Variants in LRRK1 observed in about 807,000 individuals in gnomAD.
LRRK1 encodes leucine rich repeat kinase 1, also known as leucine-rich repeat serine/threonine-protein kinase 1.
In LRRK1, 113 loss-of-function variants were observed where a neutral mutation model predicts 209.1. That is an observed-to-expected ratio of 0.54 (90% CI 0.46 to 0.63). LRRK1 has a LOEUF of 0.63. Ranked by LOEUF, LRRK1 falls within the 30% of genes least tolerant of loss-of-function variation. The probability of loss-of-function intolerance (pLI) is 0.00; values close to 1 mark genes in which losing one functional copy is unlikely to be tolerated. For synonymous variants in LRRK1, 1,144 were observed against 1,099.7 expected, an observed-to-expected ratio of 1.04 and a Z score of -0.80; for missense variants, 2,284 against 2,632.2, an observed-to-expected ratio of 0.87 and a Z score of 2.89.
chr15:100,953,435 A>G (rs1250027310), intron 2 of LRRK1, among the ~76,000 whole-genome samples: 1 of 152,020 alleles, frequency 6.6e-6, no homozygotes, highest in African/African-American at 2.4e-5. Context: ...AGGTTCACCC[A>G]TGTTGCAAAT....
rs1163154482 is a variant in LRRK1, at chr15:101,010,844, A to G, written c.1281+7A>G. The G allele has an allele frequency of 4.4e-6, 7 of 1,607,756 alleles. No individual in the cohort carries two copies. The Admixed American group carries it at 5.1e-5, about 12-fold the overall frequency. On this transcript the variant is annotated splice_region_variant and intron_variant, in intron 9 of 33. Coordinates refer to ENST00000388948, the MANE Select transcript of LRRK1 (RefSeq NM_024652.6). Reference sequence around the variant, plus strand: ...TCCCTGGGCCTGCCCTTTGGTGAGTATCACACCAAAAGTCATGAAAGCCAC... The same window carrying G: ...TCCCTGGGCCTGCCCTTTGGTGAGTGTCACACCAAAAGTCATGAAAGCCAC...
At chr15:100,945,777 G>A (rs1454027568) in intron 2 of LRRK1, among the ~76,000 whole-genome samples, 1 of 152,146 alleles carries the variant, frequency 6.6e-6, no homozygotes, top group Non-Finnish European at 1.5e-5. Context: ...ACAGGCATGA[G>A]CCACAGTGCC....
chr15:101,039,594 G>A (rs2034647985), intron 20 of LRRK1, among the ~76,000 whole-genome samples: 1 of 151,994 alleles, frequency 6.6e-6, no homozygotes. Context: ...TTGCCTGATT[G>A]CATTGGCTCG....
chr15:100,983,052 G>T (rs1292165806), intron 3 of LRRK1, among the ~76,000 whole-genome samples: 1 of 152,180 alleles, frequency 6.6e-6, no homozygotes, highest in Non-Finnish European at 1.5e-5. Flanking sequence ...GCATGTGCCT[G>T]CAGTCCCAGC....
intron 28 of LRRK1, 136 bp from the exon 29 acceptor site, chr15:101,057,854 C>A: frequency 1.0e-6 from 1 of 974,854 alleles, no homozygotes; most frequent in Non-Finnish European, 1.5e-6. Context: ...CTGTTTCAGC[C>A]TCTTGTTTGG....
intron 26 of LRRK1, 125 bp downstream of exon 26, chr15:101,053,545 C>A: frequency 1.2e-6 from 1 of 802,698 alleles, no homozygotes; most frequent in Non-Finnish European, 1.9e-6. Context: ...ACCCATGGCT[C>A]GTGTGACCAT....
intron 29 of LRRK1, among the ~76,000 whole-genome samples, chr15:101,060,850 G>C (rs2036129148): frequency 6.6e-6 from 1 of 152,254 alleles, no homozygotes; most frequent in Admixed American, 6.5e-5. Flanking sequence ...CTACTCTACA[G>C]TGAGGAGCTC....
intron 20 of LRRK1, among the ~76,000 whole-genome samples, chr15:101,035,927 C>A (rs1333569382): frequency 3.3e-5 from 5 of 152,172 alleles, no homozygotes; most frequent in South Asian, 2.1e-4. Context: ...TAGGGCCAGT[C>A]TATTAGTGAC....
At chr15:100,952,005 GAGTA>G (rs1448589464) in intron 2 of LRRK1, among the ~76,000 whole-genome samples, 1 of 150,920 alleles carries the variant, frequency 6.6e-6, no homozygotes, top group South Asian at 2.1e-4. Context: ...GTATTATTAA[GAGTA>G]AGTACTAATA....
chr15:100,949,447 A>G (rs938574020), intron 2 of LRRK1, among the ~76,000 whole-genome samples: 6 of 152,174 alleles, frequency 3.9e-5, no homozygotes, highest in Admixed American at 3.3e-4. Context: ...ATTCTACCAA[A>G]CATTTAAAGA....
At chr15:100,935,182 C>G (rs4291889) in intron 2 of LRRK1, among the ~76,000 whole-genome samples, 4 of 152,198 alleles carry the variant, frequency 2.6e-5, no homozygotes, top group Non-Finnish European at 5.9e-5. Flanking sequence ...AACCTGCACT[C>G]TACTGTCAGG....
intron 16 of LRRK1, among the ~76,000 whole-genome samples, chr15:101,025,383 C>T (rs1273177338): frequency 2.0e-5 from 3 of 152,192 alleles, no homozygotes; most frequent in East Asian, 3.8e-4. Context: ...CTCAGGTTCA[C>T]GGAGAATGAG....
At position 101,024,115 on chromosome 15, in the gene LRRK1, G is replaced by A. The variant is rs184398693; in HGVS notation, c.2068-688G>A. Among the ~76,000 whole-genome samples the A allele has an allele frequency of 3.4e-3, 522 of 152,152 alleles. 2 individuals are homozygous for A. The highest frequency in any genetic ancestry group is 0.012 in the African/African-American group (491 of 41,500). On this transcript the variant is annotated intron_variant, in intron 15 of 33. Transcript: ENST00000388948. This position sits in a 1 kb window ranked among gnomAD's most constrained non-coding sequence, Gnocchi z 4.6. ...CAATCCTGTGAAGGCTGAGCCCGCC[G>A]CTCTCTCTGTGGCCGGCCTCAGCCA...
chr15:100,924,604 C>G lies in LRRK1; in HGVS notation c.-29C>G, dbSNP rs1162184539. ...GTGGCAGTGACAACAGCGGGACCTGCCTTTGAAGATCGGCTGCTGCAAGGG... is the reference window on the plus strand; with the variant it reads ...GTGGCAGTGACAACAGCGGGACCTGGCTTTGAAGATCGGCTGCTGCAAGGG... On this transcript the variant is annotated 5_prime_UTR_variant, in exon 2 of 34. Transcript: ENST00000388948. 1 of 1,607,796 alleles carries G rather than the reference C, an allele frequency of 6.2e-7. No individual in the cohort carries two copies.
At chr15:100,945,174 T>C (rs1360149535) in intron 2 of LRRK1, among the ~76,000 whole-genome samples, 1 of 152,212 alleles carries the variant, frequency 6.6e-6, no homozygotes, top group Admixed American at 6.5e-5. Context: ...ATACAACACA[T>C]TCCCAAAGTG....
At chr15:101,043,748 G>A (rs918534318) in intron 20 of LRRK1, 5 of 152,128 alleles carry the variant, frequency 3.3e-5, no homozygotes, top group East Asian at 1.9e-4. Context: ...CTTCTTTCTC[G>A]TCTGCATAAT....
At chr15:101,033,045 G>T (rs1308698392) in intron 20 of LRRK1, among the ~76,000 whole-genome samples, 2 of 152,178 alleles carry the variant, frequency 1.3e-5, no homozygotes. Flanking sequence ...CAAAGTCAAG[G>T]GGTCAGCAGG....
intron 2 of LRRK1, among the ~76,000 whole-genome samples, chr15:100,970,331 T>C (rs2030780347): frequency 1.3e-5 from 2 of 152,194 alleles, no homozygotes; most frequent in Non-Finnish European, 2.9e-5. Flanking sequence ...TGGTGAGAAG[T>C]AGGGGTCAGG....
At chr15:101,057,858 T>C in intron 28 of LRRK1, 132 bp from the exon 29 acceptor site, 1 of 996,496 alleles carries the variant, frequency 1.0e-6, no homozygotes, top group Non-Finnish European at 1.5e-6. Flanking sequence ...TTCAGCCTCT[T>C]GTTTGGATCT....
Sources: allele counts gnomAD v4.1 joint callset (sites outside exome capture counted in the v4.1 genomes callset), GRCh38; gene constraint gnomAD v4.1.1; non-coding constraint Gnocchi (gnomAD v3.1); transcripts MANE v1.5; gene names NCBI Gene and HGNC (gene_info 2026-07-23, HGNC 2026-07-21).